The following BPNT2 variants were observed in gnomAD, a reference collection of about 807,000 sequenced individuals.
BPNT2 encodes the protein 3'(2'), 5'-bisphosphate nucleotidase 2.
In BPNT2, 11 loss-of-function variants were observed where a neutral mutation model predicts 29.3. The observed-to-expected ratio is 0.38, with a 90% confidence interval of 0.24 to 0.62. The LOEUF is 0.62. Ranked by LOEUF, BPNT2 falls within the 20% of genes least tolerant of loss-of-function variation. The pLI is 0.62. For missense variants in BPNT2, 459 were observed against 473.4 expected, an observed-to-expected ratio of 0.97 and a Z score of 0.28; for synonymous variants, 195 against 187.7, an observed-to-expected ratio of 1.04 and a Z score of -0.32.
At chr8:56,971,472 CT>C (rs1806029880) in intron 3 of BPNT2, among the ~76,000 whole-genome samples, 1 of 151,886 alleles carries the variant, frequency 6.6e-6, no homozygotes. Flanking sequence ...TTTTGGTAAG[CT>C]TTTTGGAGAT....
chr8:56,984,655 C>T (rs1806299860), intron 1 of BPNT2, among the ~76,000 whole-genome samples: 2 of 152,184 alleles, frequency 1.3e-5, no homozygotes, highest in Admixed American at 1.3e-4. Flanking sequence ...CATTGGGATA[C>T]AGTAATGAAC....
intron 2 of BPNT2, 135 bp downstream of exon 2, chr8:56,979,900 T>C (rs750209046): frequency 4.3e-5 from 33 of 776,288 alleles, no homozygotes; most frequent in Non-Finnish European, 7.0e-5. Flanking sequence ...ATATAAAACA[T>C]TTTGCTACTA....
intron 3 of BPNT2, among the ~76,000 whole-genome samples, chr8:56,977,231 A>G (rs1806155965): frequency 6.6e-6 from 1 of 152,164 alleles, no homozygotes; most frequent in Non-Finnish European, 1.5e-5. Flanking sequence ...TTATAAAAAT[A>G]TATGTATTTT....
rs1427854406 is a variant in BPNT2 at position 56,961,282 on chromosome 8, G to A, written c.*2511C>T. 1 of 152,146 alleles carries A rather than the reference G, an allele frequency of 6.6e-6. No homozygotes were observed. Among genetic ancestry groups the A allele is most frequent in the African/African-American group, 2.4e-5 (1 of 41,428 alleles). 9.4% of individuals were successfully genotyped at this position (152,146 alleles called of 1,614,324 possible). ...AAATAATTTTAATGTAATTCTGGGAGATAACATTACTCATTCATGAAGGTG... is the reference window on the plus strand; with the variant it reads ...AAATAATTTTAATGTAATTCTGGGAAATAACATTACTCATTCATGAAGGTG... On this transcript the variant is annotated 3_prime_UTR_variant, in exon 5 of 5. Transcript: ENST00000262644.
rs1193270622 is a variant in BPNT2, at chr8:56,993,825, G to T, written c.-240C>A. ...GCAGCGCGCTCTAGGTTCTTCCGCC[G>T]GCCGGCTGGTCCGACTTCCACGTTA... On this transcript the variant is annotated 5_prime_UTR_variant, in exon 1 of 5. Transcript: ENST00000262644. The T allele has an allele frequency of 1.2e-5, 4 of 347,380 alleles. No individual in the cohort carries two copies. The highest frequency in any genetic ancestry group is 2.3e-4 in the South Asian group (2 of 8,834). 21.5% of individuals were successfully genotyped at this position (347,380 alleles called of 1,614,324 possible). A position where few individuals can be genotyped will look rare whatever the true frequency, so the allele number is the denominator to read the frequency against.
rs1287243840 is a variant in BPNT2 at position 56,963,880 on chromosome 8, A to G, written c.993T>C (p.Ile331=). 1 of 1,614,082 alleles carries G rather than the reference A, an allele frequency of 6.2e-7. No individual in the cohort carries two copies. The highest frequency in any genetic ancestry group is 1.3e-5 in the African/African-American group (1 of 75,028). ...EEISYTGSDG[I]EGGLLASIRM... is the part of the protein sequence containing the mutation. ...TGATGCTAGCAAGGAGTCCCCCTTCAATGCCGTCTGAACCAGTGTAACTGA... is the reference window on the plus strand; with the variant it reads ...TGATGCTAGCAAGGAGTCCCCCTTCGATGCCGTCTGAACCAGTGTAACTGA... Residue 331 remains isoleucine (I), a synonymous_variant, in exon 5 of 5, where the codon ATT becomes ATC. Coordinates refer to ENST00000262644, the MANE Select transcript of BPNT2 (RefSeq NM_017813.5).
intron 4 of BPNT2, chr8:56,964,282 C>T: frequency 2.2e-6 from 1 of 454,230 alleles, no homozygotes; most frequent in Admixed American, 3.9e-5. Flanking sequence ...TGCAAAGTAA[C>T]TTATTGTTTA....
Position 56,962,569 on chromosome 8 carries a change from G to A in BPNT2, c.*1224C>T, listed in dbSNP as rs1563403454. Reference sequence around the variant, plus strand: ...AGACAGTTCACAAAGCAAGGTTCTAGTTACGGTAACACAATGAATATGTCA... The same window carrying A: ...AGACAGTTCACAAAGCAAGGTTCTAATTACGGTAACACAATGAATATGTCA... On this transcript the variant is annotated 3_prime_UTR_variant, in exon 5 of 5. Coordinates refer to ENST00000262644, the MANE Select transcript of BPNT2 (RefSeq NM_017813.5). 4 of 152,088 alleles carry A rather than the reference G, an allele frequency of 2.6e-5. No individual in the cohort carries two copies. Among genetic ancestry groups the A allele is most frequent in the Admixed American group, 2.0e-4 (3 of 15,272 alleles). The allele number at this position is 152,088 out of a possible 1,614,324, so 9.4% of individuals were successfully genotyped here.
At chr8:56,991,596 T>C (rs780192738) in intron 1 of BPNT2, among the ~76,000 whole-genome samples, 2 of 152,238 alleles carry the variant, frequency 1.3e-5, no homozygotes, top group Non-Finnish European at 2.9e-5. Flanking sequence ...GGATAGTTCA[T>C]ATAAGCTGGA....
rs1805793783 is a variant in BPNT2, at chr8:56,959,588, C to T, written c.*4205G>A. ...ATGACTGTAGAGGACTAACAGCACA[C>T]TGAAATAATTTATTTAAAACTAAGA... On this transcript the variant is annotated 3_prime_UTR_variant, in exon 5 of 5. Coordinates refer to ENST00000262644, the MANE Select transcript of BPNT2 (RefSeq NM_017813.5). 1.3e-5 allele frequency: 2 copies of T among 152,112 alleles called. No individual in the cohort carries two copies. The highest frequency in any genetic ancestry group is 2.4e-5 in the African/African-American group (1 of 41,430). 9.4% of individuals were successfully genotyped at this position (152,112 alleles called of 1,614,324 possible). A position where few individuals can be genotyped will look rare whatever the true frequency, so the allele number is the denominator to read the frequency against.
chr8:56,959,918 CTTTT>C lies in BPNT2; in HGVS notation c.*3871_*3874del, dbSNP rs1199059194. 6.6e-6 allele frequency: 1 copy of C among 152,082 alleles called. No individual in the cohort carries two copies. The highest frequency in any genetic ancestry group is 2.4e-5 in the African/African-American group (1 of 41,396). 9.4% of individuals were successfully genotyped at this position (152,082 alleles called of 1,614,324 possible). A position where few individuals can be genotyped will look rare whatever the true frequency, so the allele number is the denominator to read the frequency against. Reference sequence around the variant, plus strand: ...ACAATGCCCTATTGTTAAGGCACAACTTTTTTTAGATTAAAAATGAAACCATAGA... The same window carrying C: ...ACAATGCCCTATTGTTAAGGCACAACTTTAGATTAAAAATGAAACCATAGA... On this transcript the variant is annotated 3_prime_UTR_variant, in exon 5 of 5. Coordinates refer to ENST00000262644, the MANE Select transcript of BPNT2 (RefSeq NM_017813.5).
In BPNT2 at chr8:56,993,786, G is replaced by T; in HGVS notation, c.-201C>A. 1.5e-6 allele frequency: 1 copy of T among 645,698 alleles called. No individual in the cohort carries two copies. The highest frequency in any genetic ancestry group is 1.9e-6 in the Non-Finnish European group (1 of 516,766). 40.0% of individuals were successfully genotyped at this position (645,698 alleles called of 1,614,324 possible). On this transcript the variant is annotated 5_prime_UTR_variant, in exon 1 of 5. Coordinates refer to ENST00000262644, the MANE Select transcript of BPNT2 (RefSeq NM_017813.5). ...GAAGACCACCAACGCCGCCCCGCGC[G>T]CCTGACTCGCCAGGCAGCGCGCTCT...
intron 3 of BPNT2, among the ~76,000 whole-genome samples, chr8:56,972,835 A>G (rs1806061162): frequency 6.6e-6 from 1 of 151,998 alleles, no homozygotes; most frequent in East Asian, 1.9e-4. Context: ...AATGCAGACA[A>G]GTGTCCTATT....
rs1195319356 is a variant in BPNT2, at chr8:56,958,615, A to C, written c.*5178T>G. 6.6e-6 allele frequency: 1 copy of C among 152,246 alleles called. No homozygotes were observed. Among genetic ancestry groups the C allele is most frequent in the Non-Finnish European group, 1.5e-5 (1 of 68,034 alleles). 9.4% of individuals were successfully genotyped at this position (152,246 alleles called of 1,614,324 possible). The stretch of plus-strand genomic sequence containing the variant: ...TAAGGCAGGATGACAAAAAATAAAT[A>C]AAAGTATGAAGAGGCAAGAACATAG... On this transcript the variant is annotated 3_prime_UTR_variant, in exon 5 of 5. Coordinates refer to ENST00000262644, the MANE Select transcript of BPNT2 (RefSeq NM_017813.5).
In BPNT2 at chr8:56,993,188, T is replaced by C. The variant is rs772531656; in HGVS notation, c.387+11A>G. 2.5e-6 allele frequency: 4 copies of C among 1,593,784 alleles called. No individual in the cohort carries two copies. In the African/African-American group the frequency reaches 5.4e-5, roughly 21 times the overall value. On this transcript the variant is annotated intron_variant, in intron 1 of 4. Coordinates refer to ENST00000262644, the MANE Select transcript of BPNT2 (RefSeq NM_017813.5). The stretch of plus-strand genomic sequence containing the variant: ...CCGGCTCGAGTGGGCGCTCCGCCCG[T>C]GGGCTCCCACCTGGACGCTGGGGAA...
At chr8:56,976,907 G>A (rs957957888) in intron 3 of BPNT2, among the ~76,000 whole-genome samples, 3 of 152,176 alleles carry the variant, frequency 2.0e-5, no homozygotes, top group Admixed American at 6.5e-5. Flanking sequence ...TCCAAAATCT[G>A]AAATGCTCCA....
rs1438155879 is a variant in BPNT2 at position 56,958,594 on chromosome 8, G to C, written c.*5199C>G. On this transcript the variant is annotated 3_prime_UTR_variant, in exon 5 of 5. Coordinates refer to ENST00000262644, the MANE Select transcript of BPNT2 (RefSeq NM_017813.5). ...TATCTCATTGTTAGCCCAGTATAAG[G>C]CAGGATGACAAAAAATAAATAAAAG... The C allele has an allele frequency of 2.6e-5, 4 of 152,166 alleles. No homozygotes were observed. The highest frequency in any genetic ancestry group is 9.7e-5 in the African/African-American group (4 of 41,438). 9.4% of individuals were successfully genotyped at this position (152,166 alleles called of 1,614,324 possible).
chr8:56,963,834 C>A lies in BPNT2; in HGVS notation c.1039G>T (p.Val347Phe), dbSNP rs1481912856. The A allele has an allele frequency of 1.9e-6, 3 of 1,614,004 alleles. No individual in the cohort carries two copies. The African/African-American group carries it at 4.0e-5, about 22-fold the overall frequency. The change falls in exon 5 of 5, where the codon GTC becomes TTC. Residue 347 changes from valine to phenylalanine, a missense_variant. Physicochemically the swap from Val to Phe is conservative, Grantham distance 50 (BLOSUM62 -1). Coordinates refer to ENST00000262644, the MANE Select transcript of BPNT2 (RefSeq NM_017813.5). ...TTTTCTAGATCTGGGAGTTTTCTGA[C>A]CAGGGCCTGGTGGTTCATTCTGATG... ...ASIRMNHQALVRKLPDLEKTG... is the reference protein window; with the variant it reads ...ASIRMNHQALFRKLPDLEKTG...
chr8:56,971,815 A>C, intron 3 of BPNT2, among the ~76,000 whole-genome samples: 1 of 126,974 alleles, frequency 7.9e-6, no homozygotes, highest in African/African-American at 2.8e-5. Flanking sequence ...GTGTGGGCCC[A>C]AGTGTCATGA....
Sources: gnomAD v4.1 joint callset for allele counts (sites outside exome capture counted in the v4.1 genomes callset) on GRCh38, gnomAD v4.1.1 for gene constraint, MANE v1.5 for transcripts, NCBI Gene and HGNC (gene_info 2026-07-23, HGNC 2026-07-21) for gene names.